PPM1E: variants seen among roughly 807,000 people sequenced by gnomAD.
PPM1E encodes protein phosphatase 1E.
In PPM1E, 20 loss-of-function variants were observed where a neutral mutation model predicts 65.9. That is an observed-to-expected ratio of 0.30 (90% CI 0.21 to 0.44). PPM1E has a LOEUF of 0.44. Ranked by LOEUF, PPM1E falls within the 20% of genes least tolerant of loss-of-function variation. PPM1E has a pLI of 1.00. For missense variants in PPM1E, 713 were observed against 953.1 expected (o/e 0.75, Z 3.32); for synonymous variants, 352 against 374.9 (o/e 0.94, Z 0.70).
intron 1 of PPM1E, among the ~76,000 whole-genome samples, chr17:58,873,632 C>A (rs1012305157): frequency 4.0e-5 from 6 of 150,424 alleles, no homozygotes; most frequent in African/African-American, 1.5e-4. Flanking sequence ...CTCACTTTGT[C>A]ACCCAGGCTG....
intron 1 of PPM1E, among the ~76,000 whole-genome samples, chr17:58,948,121 T>C (rs1389880172): frequency 6.6e-6 from 1 of 152,114 alleles, no homozygotes; most frequent in Non-Finnish European, 1.5e-5. Context: ...AGTCACACAG[T>C]ATCACTTTTG....
At chr17:58,820,896 CAACT>C (rs1398334840) in intron 1 of PPM1E, among the ~76,000 whole-genome samples, 10 of 152,002 alleles carry the variant, frequency 6.6e-5, no homozygotes, top group African/African-American at 1.2e-4. Flanking sequence ...GCTATATGAA[CAACT>C]AACTATGAAG....
chr17:58,868,026 G>T (rs867110292), intron 1 of PPM1E, among the ~76,000 whole-genome samples: 1 of 152,284 alleles, frequency 6.6e-6, no homozygotes, highest in East Asian at 1.9e-4. Context: ...CAGCTCTGGT[G>T]TCATTAAGAG....
intron 1 of PPM1E, among the ~76,000 whole-genome samples, chr17:58,851,909 C>T (rs561271356): frequency 9.2e-5 from 14 of 152,358 alleles, no homozygotes; most frequent in African/African-American, 2.2e-4. Context: ...AGGCCTCCTT[C>T]GGCTGCGGTG....
chr17:58,948,030 G>A (rs537905222), intron 1 of PPM1E, among the ~76,000 whole-genome samples: 4 of 152,256 alleles, frequency 2.6e-5, no homozygotes, highest in Middle Eastern at 3.4e-3. Context: ...AGTATGAAGA[G>A]CAAGTATCCA....
In PPM1E at chr17:58,930,248, TATACACACACACAC is replaced by T. The variant is rs1439048290; in HGVS notation, c.465-25399_465-25386del. Among the ~76,000 whole-genome samples the T allele has an allele frequency of 9.6e-3, 1,359 of 142,174 alleles. 12 individuals are homozygous for T. The highest frequency in any genetic ancestry group is 0.014 in the Non-Finnish European group (951 of 65,628). The allele number at this position is 142,174 out of a possible 152,430, so 93.3% of individuals were successfully genotyped here. Reference sequence around the variant, plus strand: ...CCACCTCTACAATAAATTAAATGTATATACACACACACACACACACACACACACACACACACAGA... The same window carrying T: ...CCACCTCTACAATAAATTAAATGTATACACACACACACACACACACACAGA... On this transcript the variant is annotated intron_variant, in intron 1 of 6. Coordinates refer to ENST00000308249, the MANE Select transcript of PPM1E (RefSeq NM_014906.5).
intron 1 of PPM1E, among the ~76,000 whole-genome samples, chr17:58,894,100 A>G (rs1404045197): frequency 6.6e-6 from 1 of 151,920 alleles, no homozygotes; most frequent in African/African-American, 2.4e-5. Flanking sequence ...AAAACCACCA[A>G]AAAACAAAAA....
Position 58,980,302 on chromosome 17 carries a change from A to T in PPM1E, c.1539A>T (p.Glu513Asp), listed in dbSNP as rs745380937. ...WTENSFQGGQEDGGDDKENHG... is the reference protein window; with the variant it reads ...WTENSFQGGQDDGGDDKENHG... The stretch of plus-strand genomic sequence containing the variant: ...AGAACTCTTTTCAAGGAGGGCAAGA[A>T]GATGGTGGGGATGATAAGGAGAATC... Residue 513 changes from glutamate (E) to aspartate (D), a missense_variant, in exon 7 of 7, where the codon GAA becomes GAT. Glu to Asp is a conservative substitution (Grantham distance 45). This residue lies in a region of PPM1E where 286 missense variants were observed against 313.8 expected (regional missense o/e 0.91). Transcript: ENST00000308249. This position sits in a 1 kb window ranked among gnomAD's most constrained non-coding sequence, Gnocchi z 4.7. 5 of 1,614,178 alleles carry T rather than the reference A, an allele frequency of 3.1e-6. No individual in the cohort carries two copies. The highest frequency in any genetic ancestry group is 1.7e-6 in the Non-Finnish European group (2 of 1,180,032).
At chr17:58,814,857 G>A (rs1346922247) in intron 1 of PPM1E, among the ~76,000 whole-genome samples, 2 of 152,164 alleles carry the variant, frequency 1.3e-5, no homozygotes, top group East Asian at 3.8e-4. Context: ...GGCCAGATTT[G>A]GCCCACAGTT....
chr17:58,802,605 A>G (rs2050269291), intron 1 of PPM1E, among the ~76,000 whole-genome samples: 1 of 152,140 alleles, frequency 6.6e-6, no homozygotes, highest in Non-Finnish European at 1.5e-5. Context: ...TAGAGATTGC[A>G]TTGAATCTGT....
intron 1 of PPM1E, among the ~76,000 whole-genome samples, chr17:58,861,171 A>G (rs1488762957): frequency 1.3e-5 from 2 of 152,196 alleles, no homozygotes; most frequent in African/African-American, 4.8e-5. Flanking sequence ...TCCACTGGAA[A>G]GGGGCATGAG....
intron 1 of PPM1E, among the ~76,000 whole-genome samples, chr17:58,822,444 T>C (rs192236172): frequency 3.9e-5 from 6 of 152,226 alleles, no homozygotes; most frequent in Admixed American, 2.6e-4. Flanking sequence ...GATTCTGTTA[T>C]AGGTTAAGCT....
chr17:58,897,412 TA>T (rs945692432), intron 1 of PPM1E, among the ~76,000 whole-genome samples: 516 of 134,982 alleles, frequency 3.8e-3, no homozygotes, highest in Admixed American at 5.9e-3. Flanking sequence ...AGACTCCATC[TA>T]AAAAAAAAAA....
At chr17:58,927,925 T>C (rs2051844924) in intron 1 of PPM1E, among the ~76,000 whole-genome samples, 1 of 151,832 alleles carries the variant, frequency 6.6e-6, no homozygotes, top group South Asian at 2.1e-4. Flanking sequence ...CTGGGCGTGA[T>C]GGTGGGTGCC....
chr17:58,804,728 A>G (rs576485538), intron 1 of PPM1E, among the ~76,000 whole-genome samples: 7 of 152,138 alleles, frequency 4.6e-5, no homozygotes, highest in Non-Finnish European at 7.4e-5. Flanking sequence ...TCCTGCCATT[A>G]TTTTTTTAAA....
intron 1 of PPM1E, among the ~76,000 whole-genome samples, chr17:58,757,057 A>C (rs892974866): frequency 1.3e-5 from 2 of 152,194 alleles, no homozygotes; most frequent in Non-Finnish European, 2.9e-5. Flanking sequence ...CTCAGTGTTG[A>C]AAGTGAAGGG....
rs571490396 is a variant in PPM1E at position 58,878,925 on chromosome 17, A to G, written c.465-76724A>G. 2.0e-5 allele frequency among the ~76,000 whole-genome samples: 3 copies of G among 151,978 alleles called. No individual in the cohort carries two copies. The South Asian group carries it at 6.2e-4, about 32-fold the overall frequency. On this transcript the variant is annotated intron_variant, in intron 1 of 6. Coordinates refer to ENST00000308249, the MANE Select transcript of PPM1E (RefSeq NM_014906.5). ...ATCTCTAAAAAAAAAAAAGAAAAAA[A>G]GAAAACTAACTTTTGCTCTTCTAAA... is the stretch of plus-strand genomic sequence containing the variant.
intron 1 of PPM1E, among the ~76,000 whole-genome samples, chr17:58,853,755 C>T (rs765797569): frequency 3.1e-4 from 47 of 152,054 alleles, no homozygotes; most frequent in Admixed American, 1.2e-3. Context: ...CGCTTGAACC[C>T]GGGAGACAGA....
At chr17:58,876,976 G>C (rs549492709) in intron 1 of PPM1E, among the ~76,000 whole-genome samples, 2 of 152,140 alleles carry the variant, frequency 1.3e-5, no homozygotes, top group East Asian at 3.8e-4. Flanking sequence ...GTAGAGACAA[G>C]GTTTCACCGT....
Sources: allele counts gnomAD v4.1 joint callset (sites outside exome capture counted in the v4.1 genomes callset), GRCh38; gene constraint gnomAD v4.1.1; regional missense constraint gnomAD v4.1.1; non-coding constraint Gnocchi (gnomAD v3.1); transcripts MANE v1.5; gene names NCBI Gene and HGNC (gene_info 2026-07-23, HGNC 2026-07-21).